PTPRD: variants seen among roughly 807,000 people sequenced by gnomAD.
The protein encoded by PTPRD is protein tyrosine phosphatase receptor type D.
A neutral mutation model predicts 214.5 loss-of-function variants in PTPRD; 34 were observed. That is an observed-to-expected ratio of 0.16 (90% CI 0.12 to 0.21). The LOEUF (loss-of-function observed/expected upper bound fraction) is 0.21, where lower values mean the gene tolerates loss of function less well. PTPRD is among the 10% of genes least tolerant of loss of function. PTPRD has a pLI of 1.00. For synonymous variants in PTPRD, 1,128 were observed against 845.7 expected (o/e 1.33, Z -5.79); for missense variants, 2,545 against 2,398.7 (o/e 1.06, Z -1.27).
At chr9:10,025,975 A>G (rs727756) in intron 4 of PTPRD, among the ~76,000 whole-genome samples, 65,165 of 152,034 alleles carry the variant, frequency 0.43, 16,463 homozygotes, top group Middle Eastern at 0.62. Flanking sequence ...CTAGAGATTA[A>G]CTCAGGATAC....
chr9:10,155,847 A>T (rs1267151273), intron 3 of PTPRD, among the ~76,000 whole-genome samples: 2 of 151,988 alleles, frequency 1.3e-5, no homozygotes, highest in Non-Finnish European at 2.9e-5. Context: ...CTTAGTTTGC[A>T]AGTATATCCT....
chr9:9,220,460 C>A (rs1176033841), intron 9 of PTPRD, among the ~76,000 whole-genome samples: 2 of 151,982 alleles, frequency 1.3e-5, no homozygotes, highest in East Asian at 1.9e-4. Flanking sequence ...GTCTTGATAA[C>A]CTTGTTTTAA....
intron 3 of PTPRD, among the ~76,000 whole-genome samples, chr9:10,244,220 C>A (rs2154364633): frequency 6.6e-6 from 1 of 152,102 alleles, no homozygotes; most frequent in Non-Finnish European, 1.5e-5. Context: ...TCATTGTATT[C>A]TTTTACATCA....
At chr9:10,591,127 T>A (rs1241375478) in intron 2 of PTPRD, among the ~76,000 whole-genome samples, 1 of 151,918 alleles carries the variant, frequency 6.6e-6, no homozygotes, top group Non-Finnish European at 1.5e-5. Context: ...TCACACTTCC[T>A]TATTTAGACC....
intron 11 of PTPRD, among the ~76,000 whole-genome samples, chr9:8,825,003 C>T (rs2097147610): frequency 6.6e-6 from 1 of 152,042 alleles, no homozygotes; most frequent in African/African-American, 2.4e-5. Context: ...TTTACATAGG[C>T]TTTTTAAAAA....
chr9:9,708,848 C>T (rs2097674135), intron 7 of PTPRD, among the ~76,000 whole-genome samples: 2 of 151,850 alleles, frequency 1.3e-5, no homozygotes, highest in Non-Finnish European at 2.9e-5. Context: ...TTAGTTACAC[C>T]TCATTGTAAA....
chr9:8,436,576 A>G lies in PTPRD; in HGVS notation c.4086+16T>C, dbSNP rs760497276. On this transcript the variant is annotated intron_variant, in intron 35 of 45. Transcript: ENST00000381196. The stretch of plus-strand genomic sequence containing the variant: ...AACTCTTGAAATTACTGTAAAGAAT[A>G]AACACAGTGAATTACCTCATATTCC... 2 of 1,575,472 alleles carry G rather than the reference A, an allele frequency of 1.3e-6. No individual in the cohort carries two copies. The highest frequency in any genetic ancestry group is 1.7e-5 in the Admixed American group (1 of 59,888).
rs71485323 is a variant in PTPRD, at chr9:10,156,078, T to TTGTGTGTGTGTG, written c.-544-122300_-544-122289dup. Among the ~76,000 whole-genome samples, 40 of 132,636 alleles carry TTGTGTGTGTGTG rather than the reference T, an allele frequency of 3.0e-4. 1 individual carries two copies. Among genetic ancestry groups the TTGTGTGTGTGTG allele is most frequent in the Admixed American group, 2.3e-3 (30 of 13,144 alleles). The allele number at this position is 132,636 out of a possible 152,430, so 87.0% of individuals were successfully genotyped here. A position where few individuals can be genotyped will look rare whatever the true frequency, so the allele number is the denominator to read the frequency against. On this transcript the variant is annotated intron_variant, in intron 3 of 45. Coordinates refer to ENST00000381196, the MANE Select transcript of PTPRD (RefSeq NM_002839.4). ...ATGGATTTTTTGCTCTTTTGAATGT[T>TTGTGTGTGTGTG]TGTGTGTGTGTGTGTGTGTGTGTGT... is the stretch of plus-strand genomic sequence containing the variant.
intron 3 of PTPRD, among the ~76,000 whole-genome samples, chr9:10,060,739 A>G (rs1333108830): frequency 6.6e-6 from 1 of 151,592 alleles, no homozygotes; most frequent in Non-Finnish European, 1.5e-5. Flanking sequence ...TTCAGTTTCT[A>G]TTTTCCCACC....
At chr9:8,321,586 T>C (rs753167756) in intron 44 of PTPRD, among the ~76,000 whole-genome samples, 2 of 147,614 alleles carry the variant, frequency 1.4e-5, no homozygotes, top group Non-Finnish European at 3.0e-5. Flanking sequence ...AAAATTATTT[T>C]ATGACAAAAA....
intron 2 of PTPRD, among the ~76,000 whole-genome samples, chr9:10,357,677 A>C (rs1272711632): frequency 6.6e-6 from 1 of 152,198 alleles, no homozygotes. Flanking sequence ...AGTTTGTTAG[A>C]GAATTAAAGA....
intron 2 of PTPRD, among the ~76,000 whole-genome samples, chr9:10,440,898 T>TG (rs948433398): frequency 6.6e-6 from 1 of 151,780 alleles, no homozygotes; most frequent in African/African-American, 2.4e-5. Flanking sequence ...ATTTGGAATA[T>TG]AGACTCCTGG....
intron 2 of PTPRD, among the ~76,000 whole-genome samples, chr9:10,452,205 T>C (rs761848843): frequency 4.6e-5 from 7 of 151,926 alleles, no homozygotes; most frequent in Non-Finnish European, 1.0e-4. Context: ...ATGGCACATT[T>C]TCTTCCTTCA....
intron 9 of PTPRD, among the ~76,000 whole-genome samples, chr9:9,274,407 C>G (rs1002859394): frequency 1.3e-5 from 2 of 151,362 alleles, no homozygotes; most frequent in African/African-American, 4.8e-5. Flanking sequence ...TAAATAGATA[C>G]TCAACCAATT....
chr9:8,367,666 A>C (rs960855657), intron 39 of PTPRD, among the ~76,000 whole-genome samples: 1 of 152,192 alleles, frequency 6.6e-6, no homozygotes, highest in Non-Finnish European at 1.5e-5. Flanking sequence ...ATACATGCAC[A>C]TGTTTTCTAC....
chr9:9,305,309 C>G (rs553466641), intron 9 of PTPRD, among the ~76,000 whole-genome samples: 5 of 151,910 alleles, frequency 3.3e-5, no homozygotes, highest in African/African-American at 1.2e-4. Flanking sequence ...GAGAAAGCAG[C>G]AATAAGATGT....
At chr9:9,253,888 C>G (rs2099976528) in intron 9 of PTPRD, among the ~76,000 whole-genome samples, 1 of 152,080 alleles carries the variant, frequency 6.6e-6, no homozygotes. Context: ...GGCTGCACTT[C>G]CTGCAGAGGG....
intron 3 of PTPRD, among the ~76,000 whole-genome samples, chr9:10,085,482 G>A (rs774416613): frequency 2.0e-5 from 3 of 151,746 alleles, no homozygotes; most frequent in African/African-American, 7.3e-5. Context: ...TGTTTCTGTT[G>A]GTCATTTCAT....
chr9:8,927,233 T>G (rs1009929158), intron 11 of PTPRD, among the ~76,000 whole-genome samples: 6 of 152,132 alleles, frequency 3.9e-5, no homozygotes, highest in Non-Finnish European at 7.4e-5. Flanking sequence ...TTTATTTATT[T>G]TTATTATACT....
Sources: gnomAD v4.1 joint callset for allele counts (sites outside exome capture counted in the v4.1 genomes callset) on GRCh38, gnomAD v4.1.1 for gene constraint, MANE v1.5 for transcripts, NCBI Gene and HGNC (gene_info 2026-07-23, HGNC 2026-07-21) for gene names.